The following PSD2 variants were observed in gnomAD, a reference collection of about 807,000 sequenced individuals.
PSD2 encodes the protein pleckstrin and Sec7 domain containing 2, also known as PH and SEC7 domain-containing protein 2.
In PSD2, 38 loss-of-function variants were observed where a neutral mutation model predicts 69.8. That is an observed-to-expected ratio of 0.54 (90% CI 0.42 to 0.71). The LOEUF is 0.71. Ranked by LOEUF, PSD2 falls within the 30% of genes least tolerant of loss-of-function variation. PSD2 has a pLI of 0.00. For missense variants in PSD2, 943 were observed against 1,014.5 expected (o/e 0.93, Z 0.96); for synonymous variants, 412 against 423.0 (o/e 0.97, Z 0.32).
the PSD2 span, among the ~76,000 whole-genome samples, chr5:139,783,943 C>CTTTTTTTTTTTTTTTTTTTTTTTTTTTTT: frequency 1.1e-3 from 95 of 87,880 alleles, 3 homozygotes; most frequent in Non-Finnish European, 1.3e-3. Context: ...TCTGCTAGCT[C>CTTTTTTTTTTTTTTTTTTTTTTTTTTTTT]TTTTTTTTTT....
At chr5:139,749,813 T>A in the PSD2 span, among the ~76,000 whole-genome samples, 2 of 149,788 alleles carry the variant, frequency 1.3e-5, no homozygotes, top group Non-Finnish European at 3.0e-5. Context: ...TTGGGCAACA[T>A]GACAGAACAC....
chr5:139,838,576 G>A, intron 12 of PSD2, 52 bp from the exon 13 acceptor site: 1 of 1,587,690 alleles, frequency 6.3e-7, no homozygotes, highest in Non-Finnish European at 8.6e-7. Flanking sequence ...CTGAGTAGGG[G>A]ACAGGGAGTC....
the PSD2 span, among the ~76,000 whole-genome samples, chr5:139,748,697 T>A: frequency 1.0e-3 from 154 of 152,232 alleles, no homozygotes; most frequent in Non-Finnish European, 1.7e-3. Flanking sequence ...GCCGGGCAGG[T>A]GGGAGGGAGG....
chr5:139,813,565 G>A lies in PSD2; in HGVS notation c.628G>A (p.Gly210Arg), dbSNP rs758980395. 1 of 1,612,604 alleles carries A rather than the reference G, an allele frequency of 6.2e-7. No homozygotes were observed. Among genetic ancestry groups the A allele is most frequent in the Admixed American group, 1.7e-5 (1 of 59,974 alleles). ...GGACATGGCGTTTGAGGGGGACATG[G>A]GGGCAGCTGGTGGTGATGGGGAGCT... Reference protein sequence around the residue: ...IGDMAFEGDMGAAGGDGELGS... With the variant: ...IGDMAFEGDMRAAGGDGELGS... The change falls in exon 3 of 15, where the codon GGG becomes AGG. Residue 210 changes from glycine to arginine, a missense_variant. Gly to Arg is a moderately radical substitution (Grantham distance 125, BLOSUM62 -2). This residue lies in a region of PSD2 where 466 missense variants were observed against 445.0 expected (regional missense o/e 1.05). Coordinates refer to ENST00000274710, the MANE Select transcript of PSD2 (RefSeq NM_032289.4).
the PSD2 span, among the ~76,000 whole-genome samples, chr5:139,779,667 C>T: frequency 6.6e-6 from 1 of 152,194 alleles, no homozygotes; most frequent in African/African-American, 2.4e-5. Context: ...TGGAATATTT[C>T]CATCACTCCA....
At chr5:139,782,046 C>A in the PSD2 span, among the ~76,000 whole-genome samples, 2 of 152,192 alleles carry the variant, frequency 1.3e-5, no homozygotes, top group Non-Finnish European at 2.9e-5. Context: ...GAAGGTGGGG[C>A]GGGGGCAGTA....
At chr5:139,783,309 G>C in the PSD2 span, among the ~76,000 whole-genome samples, 1 of 152,156 alleles carries the variant, frequency 6.6e-6, no homozygotes, top group African/African-American at 2.4e-5. Flanking sequence ...GGGCAGGGTG[G>C]TGCGTACCTG....
chr5:139,826,505 T>C (rs1243826655), intron 7 of PSD2, among the ~76,000 whole-genome samples: 1 of 151,888 alleles, frequency 6.6e-6, no homozygotes. Flanking sequence ...AGGCAGAAAG[T>C]GGAGGTGCTG....
upstream of PSD2, among the ~76,000 whole-genome samples, chr5:139,791,460 CAA>C (rs1224003904): frequency 6.6e-6 from 1 of 151,762 alleles, no homozygotes; most frequent in Non-Finnish European, 1.5e-5. Context: ...AAACCAAAAA[CAA>C]AAAGAAACCC....
At position 139,795,946 on chromosome 5, in the gene PSD2, A is replaced by T. The variant is rs1170954020; in HGVS notation, c.-80A>T. On this transcript the variant is annotated 5_prime_UTR_variant, in exon 1 of 15. Coordinates refer to ENST00000274710, the MANE Select transcript of PSD2 (RefSeq NM_032289.4). The surrounding 1 kb of genome is among the most constrained non-coding windows in gnomAD (Gnocchi z 4.5). ...CGGCCTCCGATGGCCCCGCCGTGAG[A>T]GGCCGGACCCGCGGCGGGGACCAGC... 1 of 150,602 alleles carries T rather than the reference A, an allele frequency of 6.6e-6. No individual in the cohort carries two copies. Among genetic ancestry groups the T allele is most frequent in the East Asian group, 2.0e-4 (1 of 5,100 alleles). The allele number at this position is 150,602 out of a possible 1,614,324, so 9.3% of individuals were successfully genotyped here. A position where few individuals can be genotyped will look rare whatever the true frequency, so the allele number is the denominator to read the frequency against.
the PSD2 span, among the ~76,000 whole-genome samples, chr5:139,787,051 G>A: frequency 1.3e-5 from 2 of 152,214 alleles, no homozygotes. Flanking sequence ...GGAGGGACGG[G>A]TTGGGGCCTG....
chr5:139,770,899 T>C, the PSD2 span, among the ~76,000 whole-genome samples: 5 of 152,252 alleles, frequency 3.3e-5, no homozygotes, highest in South Asian at 2.1e-4. Flanking sequence ...TTTTGATGAT[T>C]CTGCATATGA....
At chr5:139,795,684 G>GCCGCGCTTCCCTCCGGGCT (rs1289546053), upstream of PSD2, 1 of 151,618 alleles carries the variant, frequency 6.6e-6, no homozygotes, top group African/African-American at 2.4e-5. The surrounding 1 kb of genome is among the most constrained non-coding windows in gnomAD (Gnocchi z 4.5). Flanking sequence ...AGGGCTGGGG[G>GCCGCGCTTCCCTCCGGGCT]CCGCGCTTCC....
Position 139,825,994 on chromosome 5 carries a change from T to G in PSD2, c.1269+3210T>G, listed in dbSNP as rs1760408719. 2.6e-5 allele frequency among the ~76,000 whole-genome samples: 4 copies of G among 151,940 alleles called. No homozygotes were observed. In the South Asian group the frequency reaches 6.2e-4, roughly 24 times the overall value. On this transcript the variant is annotated intron_variant, in intron 7 of 14. Coordinates refer to ENST00000274710, the MANE Select transcript of PSD2 (RefSeq NM_032289.4). ...AGGGATGTCGGAGGAAACTCATGAGTGTGTGGCATCTCTGAAGCCCAGACA... is the reference window on the plus strand; with the variant it reads ...AGGGATGTCGGAGGAAACTCATGAGGGTGTGGCATCTCTGAAGCCCAGACA...
the PSD2 span, among the ~76,000 whole-genome samples, chr5:139,781,784 C>T: frequency 6.6e-6 from 1 of 152,046 alleles, no homozygotes; most frequent in African/African-American, 2.4e-5. Flanking sequence ...CAGGCACATG[C>T]CACGACACCT....
At chr5:139,784,756 T>TC in the PSD2 span, among the ~76,000 whole-genome samples, 24 of 151,186 alleles carry the variant, frequency 1.6e-4, no homozygotes, top group Non-Finnish European at 4.4e-5. Context: ...CATGACAAAT[T>TC]CCCCCCCTTT....
chr5:139,785,081 C>G, the PSD2 span, among the ~76,000 whole-genome samples: 3 of 151,842 alleles, frequency 2.0e-5, no homozygotes, highest in Non-Finnish European at 4.4e-5. Context: ...GTCTTTTGTT[C>G]AACTTCATCC....
intron 1 of PSD2, among the ~76,000 whole-genome samples, chr5:139,804,895 G>T (rs1403485611): frequency 6.6e-6 from 1 of 151,950 alleles, no homozygotes; most frequent in Non-Finnish European, 1.5e-5. Context: ...GTGCATGTGT[G>T]TGTGCGTGCG....
At chr5:139,753,826 T>G in the PSD2 span, among the ~76,000 whole-genome samples, 159 of 151,366 alleles carry the variant, frequency 1.1e-3, 1 homozygote, top group Middle Eastern at 3.4e-3. Flanking sequence ...TTGTTTTTTT[T>G]TTTGTTTGTT....
Sources: gnomAD v4.1 joint callset for allele counts (sites outside exome capture counted in the v4.1 genomes callset) on GRCh38, gnomAD v4.1.1 for gene constraint, gnomAD v4.1.1 regional missense constraint, Gnocchi (gnomAD v3.1) non-coding constraint, MANE v1.5 for transcripts, NCBI Gene and HGNC (gene_info 2026-07-23, HGNC 2026-07-21) for gene names.